Variants in TLK1 observed in about 807,000 individuals in gnomAD.
The protein encoded by TLK1 is serine/threonine-protein kinase tousled-like 1.
In TLK1, 24 loss-of-function variants were observed where a neutral mutation model predicts 105.3. The observed-to-expected ratio is 0.23, with a 90% CI of 0.17 to 0.32. The LOEUF (loss-of-function observed/expected upper bound fraction) is 0.32, where lower values mean the gene tolerates loss of function less well. TLK1 is among the 10% of genes least tolerant of loss of function. TLK1 has a pLI of 1.00. For missense variants in TLK1, 558 were observed against 910.5 expected (o/e 0.61, Z 4.98); for synonymous variants, 321 against 310.4 (o/e 1.03, Z -0.36).
At chr2:171,224,818 A>G (rs572323854) in intron 1 of TLK1, among the ~76,000 whole-genome samples, 6 of 152,380 alleles carry the variant, frequency 3.9e-5, no homozygotes, top group South Asian at 2.1e-4. Context: ...ATAAAGCTAT[A>G]GCAATCAAGA....
At chr2:171,020,741 A>G (rs559634605) in intron 12 of TLK1, among the ~76,000 whole-genome samples, 2 of 152,196 alleles carry the variant, frequency 1.3e-5, no homozygotes, top group East Asian at 3.9e-4. Context: ...CAACCAACCA[A>G]CCAAAATAAC....
Position 170,992,852 on chromosome 2 carries a change from G to A in TLK1, c.*928C>T, listed in dbSNP as rs1198561208. 2 of 152,568 alleles carry A rather than the reference G, an allele frequency of 1.3e-5. No homozygotes were observed. The highest frequency in any genetic ancestry group is 2.9e-5 in the Non-Finnish European group (2 of 68,008). 9.5% of individuals were successfully genotyped at this position (152,568 alleles called of 1,614,324 possible). ...ATTTTAAACATTTGTACAAGAATAA[G>A]CTGCTGAAACTTAGTAATTGAAATA... On this transcript the variant is annotated 3_prime_UTR_variant, in exon 21 of 21. Transcript: ENST00000431350.
intron 12 of TLK1, among the ~76,000 whole-genome samples, chr2:171,015,443 CACACACACACACACACACAA>C (rs953217990): frequency 1.3e-5 from 2 of 150,528 alleles, no homozygotes; most frequent in African/African-American, 2.4e-5. Flanking sequence ...CACACACACA[CACACACACACACACACACAA>C]ACTGACCACT....
chr2:171,133,020 T>C (rs1348139418), intron 1 of TLK1, among the ~76,000 whole-genome samples: 1 of 152,216 alleles, frequency 6.6e-6, no homozygotes, highest in Non-Finnish European at 1.5e-5. Context: ...CTCTTACAGA[T>C]CTTATTTAAA....
chr2:171,137,572 G>A (rs1205492115), intron 1 of TLK1, among the ~76,000 whole-genome samples: 3 of 152,088 alleles, frequency 2.0e-5, no homozygotes, highest in Admixed American at 6.6e-5. Flanking sequence ...CTTTCAGCCA[G>A]GCGCAGTGGC....
intron 2 of TLK1, among the ~76,000 whole-genome samples, chr2:171,089,355 A>C (rs1689122629): frequency 6.6e-6 from 1 of 152,182 alleles, no homozygotes; most frequent in Non-Finnish European, 1.5e-5. Flanking sequence ...TGCCAATCTA[A>C]GGTAATGAAG....
chr2:171,195,521 A>T (rs1223675908), intron 1 of TLK1, among the ~76,000 whole-genome samples: 4 of 150,444 alleles, frequency 2.7e-5, no homozygotes, highest in South Asian at 2.1e-4. Context: ...AAAAAAAAAA[A>T]ACATAATCCA....
intron 1 of TLK1, 45 bp from the exon 2 acceptor site, chr2:171,117,902 A>G (rs771269942): frequency 8.4e-6 from 11 of 1,303,722 alleles, no homozygotes; most frequent in Non-Finnish European, 1.2e-5. Context: ...ATATGTGTGT[A>G]TACTTTATAC....
intron 12 of TLK1, among the ~76,000 whole-genome samples, chr2:171,017,850 TTAAA>T (rs1481372917): frequency 1.6e-4 from 25 of 152,320 alleles, no homozygotes; most frequent in Middle Eastern, 3.4e-3. Context: ...AAACTATGTC[TTAAA>T]TAGATAGATA....
intron 3 of TLK1, among the ~76,000 whole-genome samples, chr2:171,072,578 T>C (rs1417110524): frequency 6.6e-6 from 1 of 152,148 alleles, no homozygotes; most frequent in Non-Finnish European, 1.5e-5. Flanking sequence ...GCCAACATGG[T>C]GAAACCCCAT....
chr2:171,047,982 T>C (rs1425726127), intron 10 of TLK1, among the ~76,000 whole-genome samples: 1 of 152,210 alleles, frequency 6.6e-6, no homozygotes, highest in Non-Finnish European at 1.5e-5. Flanking sequence ...AGACTCTCAC[T>C]CTGTCGCCCA....
intron 11 of TLK1, among the ~76,000 whole-genome samples, chr2:171,040,720 G>A (rs1176496208): frequency 1.3e-5 from 2 of 151,646 alleles, no homozygotes; most frequent in African/African-American, 4.8e-5. Flanking sequence ...GGGACTATAG[G>A]TACATACCAC....
chr2:171,053,893 T>C (rs751876016), intron 7 of TLK1, 40 bp from the exon 8 acceptor site: 5 of 1,428,220 alleles, frequency 3.5e-6, no homozygotes, highest in Non-Finnish European at 4.8e-6. Flanking sequence ...CCATTATATA[T>C]GTTGTTTCAA....
chr2:171,010,928 T>C (rs952159805), intron 14 of TLK1, among the ~76,000 whole-genome samples: 3 of 152,186 alleles, frequency 2.0e-5, no homozygotes, highest in Non-Finnish European at 2.9e-5. Flanking sequence ...CTTTGGATTC[T>C]GGAAATAAGA....
At chr2:170,997,668 T>TAAAC in intron 19 of TLK1, 44 bp downstream of exon 19, 1 of 1,294,822 alleles carries the variant, frequency 7.7e-7, no homozygotes, top group South Asian at 1.8e-5. Context: ...AAATTCAACT[T>TAAAC]AATTTATCTC....
intron 10 of TLK1, 144 bp from the exon 11 acceptor site, chr2:171,046,506 C>G: frequency 1.1e-6 from 1 of 884,182 alleles, no homozygotes; most frequent in Non-Finnish European, 1.6e-6. Context: ...CCAATTTGTA[C>G]TTATCCTTCA....
Position 171,183,006 on chromosome 2 carries a change from C to T in TLK1, c.-6+48139G>A, listed in dbSNP as rs142262509. Among the ~76,000 whole-genome samples the T allele has an allele frequency of 3.5e-3, 523 of 150,466 alleles. 5 individuals carry two copies. The highest frequency in any genetic ancestry group is 0.012 in the African/African-American group (507 of 40,696). ...CGCTGGACAAACTTGAATAGGGTCT[C>T]AGGACAAACAGTTTATGGGGGTTAT... is the stretch of plus-strand genomic sequence containing the variant. On this transcript the variant is annotated intron_variant, in intron 1 of 20. Coordinates refer to the TLK1 transcript ENST00000521943.
chr2:171,218,079 C>G (rs764357467), intron 1 of TLK1, among the ~76,000 whole-genome samples: 21 of 152,138 alleles, frequency 1.4e-4, no homozygotes, highest in Non-Finnish European at 2.9e-4. Context: ...TGGTGAAACC[C>G]TGTCTATACT....
chr2:171,120,196 T>C (rs183746460), intron 1 of TLK1, among the ~76,000 whole-genome samples: 161 of 130,598 alleles, frequency 1.2e-3, no homozygotes, highest in Non-Finnish European at 2.1e-3. Flanking sequence ...CTGCAGTGAA[T>C]CGAGGTCGTA....
Sources: gnomAD v4.1 joint callset for allele counts (sites outside exome capture counted in the v4.1 genomes callset) on GRCh38, gnomAD v4.1.1 for gene constraint, MANE v1.5 for transcripts, NCBI Gene and HGNC (gene_info 2026-07-23, HGNC 2026-07-21) for gene names.